The following HOXC5 variants were observed in gnomAD, a reference collection of about 807,000 sequenced individuals.
The protein encoded by HOXC5 is homeobox C5, also known as homeobox protein Hox-C5.
A neutral mutation model predicts 20.1 loss-of-function variants in HOXC5; 19 were observed. The ratio of observed to expected loss-of-function variants is 0.94; its 90% confidence interval spans 0.66 to 1.38. The LOEUF (loss-of-function observed/expected upper bound fraction) is 1.38, where lower values mean the gene tolerates loss of function less well. Among genes scored for constraint, HOXC5 ranks in the 40% most tolerant of loss-of-function variants. The pLI, the probability that HOXC5 is intolerant of heterozygous loss-of-function variation, is 0.00. For synonymous variants in HOXC5, 124 were observed against 117.0 expected, an observed-to-expected ratio of 1.06 and a Z score of -0.39; for missense variants, 330 against 300.1, an observed-to-expected ratio of 1.10 and a Z score of -0.74.
At chr12:54,030,064 T>C, upstream of HOXC5, 1 of 1,209,430 alleles carries the variant, frequency 8.3e-7, no homozygotes, top group Middle Eastern at 2.0e-4. Flanking sequence ...AATTGATGTG[T>C]TTTGATTCCC....
chr12:54,033,467 T>C lies in HOXC5; in HGVS notation c.345T>C (p.Ser115=), dbSNP rs1307866950. Residue 115 remains serine (S), a synonymous_variant, in exon 1 of 2, where the codon AGT becomes AGC. Coordinates refer to ENST00000312492, the MANE Select transcript of HOXC5 (RefSeq NM_018953.4). ...CGCTGGAGGAGCGAGCTAAGAGCAG[T>C]GGGGAGATCAAAGAGGAGCAGGCGC... is the stretch of plus-strand genomic sequence containing the variant. The part of the protein sequence containing the change: ...RPALEERAKS[S]GEIKEEQAQT... 11 of 1,597,758 alleles carry C rather than the reference T, an allele frequency of 6.9e-6. No homozygotes were observed. The highest frequency in any genetic ancestry group is 9.4e-6 in the Non-Finnish European group (11 of 1,174,322).
chr12:54,022,079 C>T, the HOXC5 span: 1 of 152,290 alleles, frequency 6.6e-6, no homozygotes, highest in African/African-American at 2.4e-5. Flanking sequence ...AGCAGCCCTT[C>T]CCTTGCCTAG....
upstream of HOXC5, among the ~76,000 whole-genome samples, chr12:54,032,286 C>A (rs921384714): frequency 6.6e-6 from 1 of 152,212 alleles, no homozygotes; most frequent in African/African-American, 2.4e-5. Context: ...AGCTTCATGA[C>A]CCCCCTATCT....
chr12:54,034,575 T>A lies in HOXC5; in HGVS notation c.*83T>A. On this transcript the variant is annotated 3_prime_UTR_variant, in exon 2 of 2. Transcript: ENST00000312492. ...TCCTTTTCGCCTTTCCTCTCTATATTTCGGGTCGGGGGCAGGTGCTGGAGC... is the reference window on the plus strand; with the variant it reads ...TCCTTTTCGCCTTTCCTCTCTATATATCGGGTCGGGGGCAGGTGCTGGAGC... 8.2e-7 allele frequency: 1 copy of A among 1,221,698 alleles called. No homozygotes were observed. The highest frequency in any genetic ancestry group is 1.2e-6 in the Non-Finnish European group (1 of 856,440). The allele number at this position is 1,221,698 out of a possible 1,614,324, so 75.7% of individuals were successfully genotyped here.
At chr12:54,034,150 G>C in intron 1 of HOXC5, 128 bp from the exon 2 acceptor site, 1 of 910,704 alleles carries the variant, frequency 1.1e-6, no homozygotes, top group East Asian at 2.5e-5. Context: ...TGCGGCCCGC[G>C]TGGCCTGTCT....
Position 54,034,294 on chromosome 12 carries a change from G to T in HOXC5, c.471G>T (p.Arg157=). Residue 157 remains arginine (R), a synonymous_variant, in exon 2 of 2, where the codon CGG becomes CGT. Coordinates refer to ENST00000312492, the MANE Select transcript of HOXC5 (RefSeq NM_018953.4). The part of the protein sequence containing the change: ...LHMSHETDGK[R]SRTSYTRYQT... ...ATGTTCCAGAGACGGACGGCAAGCG[G>T]TCCCGAACCAGTTACACGCGCTACC... 1 of 1,613,852 alleles carries T rather than the reference G, an allele frequency of 6.2e-7. No homozygotes were observed. Among genetic ancestry groups the T allele is most frequent in the Non-Finnish European group, 8.5e-7 (1 of 1,179,994 alleles).
chr12:54,026,024 C>T, the HOXC5 span, among the ~76,000 whole-genome samples: 2 of 152,092 alleles, frequency 1.3e-5, no homozygotes, highest in Non-Finnish European at 2.9e-5. Flanking sequence ...GACATCCTAT[C>T]TTCCATCATT....
At chr12:54,025,222 C>T in the HOXC5 span, among the ~76,000 whole-genome samples, 1 of 152,298 alleles carries the variant, frequency 6.6e-6, no homozygotes, top group South Asian at 2.1e-4. Context: ...TTTAATAAAA[C>T]ATCTGTTCTT....
chr12:54,026,245 G>T, the HOXC5 span, among the ~76,000 whole-genome samples: 1 of 152,088 alleles, frequency 6.6e-6, no homozygotes, highest in Admixed American at 6.5e-5. Context: ...GCACTGACTT[G>T]TTCCCTAGCT....
chr12:54,025,832 C>T, the HOXC5 span, among the ~76,000 whole-genome samples: 3 of 152,126 alleles, frequency 2.0e-5, no homozygotes, highest in African/African-American at 7.2e-5. Flanking sequence ...GGGCCCCTTT[C>T]CTCTCCAGAC....
upstream of HOXC5, chr12:54,030,188 C>A: frequency 2.1e-6 from 1 of 470,376 alleles, no homozygotes; most frequent in Non-Finnish European, 3.8e-6. Context: ...CTTGCTAGCT[C>A]GTTCTCGGCT....
chr12:54,034,062 G>C (rs1355569538), intron 1 of HOXC5: 1 of 707,622 alleles, frequency 1.4e-6, no homozygotes, highest in South Asian at 1.5e-5. Flanking sequence ...CCCTCCGGCT[G>C]CAGAGTGAAG....
chr12:54,029,127 G>T (rs553311752), upstream of HOXC5, among the ~76,000 whole-genome samples: 1 of 152,272 alleles, frequency 6.6e-6, no homozygotes, highest in South Asian at 2.1e-4. Flanking sequence ...GCCCCTGACG[G>T]ATTGGAGGGC....
rs1941060511 is a variant in HOXC5, at chr12:54,033,316, C to T, written c.194C>T (p.Ala65Val). Residue 65 changes from alanine (A) to valine (V), a missense_variant, in exon 1 of 2, where the codon GCC (alanine) becomes GTC (valine). By Grantham distance (64) the Ala-to-Val change is moderately conservative. Coordinates refer to ENST00000312492, the MANE Select transcript of HOXC5 (RefSeq NM_018953.4). ...TCTCTCCACGGGGTAGACATGGCTG[C>T]CAACCCCCGGGCTCACCCCGACCGC... ...SNSLHGVDMA[A>V]NPRAHPDRPA... is the part of the protein sequence containing the mutation. The T allele has an allele frequency of 2.5e-6, 4 of 1,613,964 alleles. No individual in the cohort carries two copies. The Admixed American group carries it at 5.0e-5, about 20-fold the overall frequency.
Position 54,034,376 on chromosome 12 carries a change from C to A in HOXC5, c.553C>A (p.Arg185Ser). 6.2e-7 allele frequency: 1 copy of A among 1,614,162 alleles called. No homozygotes were observed. Among genetic ancestry groups the A allele is most frequent in the Non-Finnish European group, 8.5e-7 (1 of 1,179,992 alleles). ...HFNRYLTRRRRIEIANNLCLN... is the reference protein window; with the variant it reads ...HFNRYLTRRRSIEIANNLCLN... ...TAACCGCTACCTCACTCGCCGCAGG[C>A]GCATAGAGATCGCCAACAACTTGTG... Residue 185 changes from arginine (R) to serine (S), a missense_variant, in exon 2 of 2, where the codon CGC becomes AGC. Coordinates refer to ENST00000312492, the MANE Select transcript of HOXC5 (RefSeq NM_018953.4).
At position 54,033,695 on chromosome 12, in the gene HOXC5, C is replaced by T. The variant is rs1036285659; in HGVS notation, c.454+119C>T. On this transcript the variant is annotated intron_variant, in intron 1 of 1. Transcript: ENST00000312492. ...TTTTACGATCCAGGCATCAATGGCTCGTAAAACTGTCCACTAAAAGGCTTA... is the reference window on the plus strand; with the variant it reads ...TTTTACGATCCAGGCATCAATGGCTTGTAAAACTGTCCACTAAAAGGCTTA... The T allele has an allele frequency of 3.3e-5, 28 of 852,814 alleles. 1 individual carries two copies. The highest frequency in any genetic ancestry group is 7.4e-5 in the South Asian group (4 of 53,946). 52.8% of individuals were successfully genotyped at this position (852,814 alleles called of 1,614,324 possible).
In HOXC5 at chr12:54,034,278, A is replaced by G. The variant is rs754398363; in HGVS notation, c.455A>G (p.Glu152Gly). The G allele has an allele frequency of 1.2e-6, 2 of 1,613,098 alleles. No homozygotes were observed. The highest frequency in any genetic ancestry group is 8.5e-7 in the Non-Finnish European group (1 of 1,179,710). The change falls in exon 2 of 2, where the codon GAG (glutamate) becomes GGG (glycine). Residue 152 changes from glutamate to glycine, a missense_variant and splice_region_variant. Glu to Gly is a moderately conservative substitution (Grantham distance 98). Transcript: ENST00000312492. ...PWMTKLHMSH[E>G]TDGKRSRTSY... The stretch of plus-strand genomic sequence containing the variant: ...GCTTGGGGTGGGGTTTATGTTCCAG[A>G]GACGGACGGCAAGCGGTCCCGAACC...
At chr12:54,033,875 C>T (rs1375774672) in intron 1 of HOXC5, 4 of 498,068 alleles carry the variant, frequency 8.0e-6, no homozygotes, top group Non-Finnish European at 1.5e-5. Flanking sequence ...AGCGGGGATC[C>T]CCCCGCGGCT....
the HOXC5 span, among the ~76,000 whole-genome samples, chr12:54,024,339 T>A: frequency 6.6e-6 from 1 of 152,116 alleles, no homozygotes; most frequent in Non-Finnish European, 1.5e-5. Flanking sequence ...GCTCCAGTGC[T>A]TGGGTCCCCG....
Sources: gnomAD v4.1 joint callset for allele counts (sites outside exome capture counted in the v4.1 genomes callset) on GRCh38, gnomAD v4.1.1 for gene constraint, MANE v1.5 for transcripts, NCBI Gene and HGNC (gene_info 2026-07-23, HGNC 2026-07-21) for gene names.